NEDD4L: variants seen among roughly 807,000 people sequenced by gnomAD.
NEDD4L encodes E3 ubiquitin-protein ligase NEDD4-like.
A neutral mutation model predicts 148.9 loss-of-function variants in NEDD4L; 54 were observed. The observed-to-expected ratio is 0.36, with a 90% CI of 0.29 to 0.45. The LOEUF (loss-of-function observed/expected upper bound fraction) is 0.45. Among genes scored for constraint, NEDD4L ranks in the 20% least tolerant of loss-of-function variants. The probability of loss-of-function intolerance (pLI) is 1.00; values close to 1 mark genes in which losing one functional copy is unlikely to be tolerated. For synonymous variants in NEDD4L, 433 were observed against 440.7 expected (o/e 0.98, Z 0.22); for missense variants, 856 against 1,233.8 (o/e 0.69, Z 4.59).
intron 2 of NEDD4L, among the ~76,000 whole-genome samples, chr18:58,180,850 A>G (rs1483002351): frequency 6.6e-6 from 1 of 152,236 alleles, no homozygotes; most frequent in East Asian, 1.9e-4. Context: ...ATTAGAAGGC[A>G]GGTGTACAGC....
intron 2 of NEDD4L, chr18:58,189,834 C>T (rs1279607444): frequency 6.6e-6 from 1 of 152,228 alleles, no homozygotes; most frequent in Admixed American, 6.5e-5. Context: ...TACTTCATCC[C>T]TTCCTCTTTC....
intron 2 of NEDD4L, among the ~76,000 whole-genome samples, chr18:58,225,445 G>C (rs552087473): frequency 4.0e-4 from 61 of 152,316 alleles, no homozygotes; most frequent in African/African-American, 1.5e-3. Context: ...CTGATGCTGG[G>C]TTTTATCCGC....
intron 1 of NEDD4L, among the ~76,000 whole-genome samples, chr18:58,068,665 T>C (rs2082727305): frequency 6.6e-6 from 1 of 152,186 alleles, no homozygotes; most frequent in South Asian, 2.1e-4. Context: ...TGTGAGCATT[T>C]CTCTACTGTC....
intron 2 of NEDD4L, among the ~76,000 whole-genome samples, chr18:58,197,554 T>C (rs1245048380): frequency 6.6e-6 from 1 of 152,168 alleles, no homozygotes; most frequent in East Asian, 1.9e-4. Context: ...AACTCTCACC[T>C]CTTGCCAAGG....
intron 1 of NEDD4L, among the ~76,000 whole-genome samples, chr18:58,143,926 C>T (rs2033827550): frequency 1.3e-5 from 2 of 152,010 alleles, no homozygotes. Flanking sequence ...ATGAGGTATC[C>T]AGAATATTCC....
At chr18:58,125,402 C>T (rs2030876156) in intron 1 of NEDD4L, among the ~76,000 whole-genome samples, 1 of 150,264 alleles carries the variant, frequency 6.7e-6, no homozygotes, top group Admixed American at 6.6e-5. Context: ...TGAATCTGAC[C>T]AGTTGAGGCA....
At chr18:58,327,072 T>C (rs2059374415) in intron 9 of NEDD4L, among the ~76,000 whole-genome samples, 1 of 152,200 alleles carries the variant, frequency 6.6e-6, no homozygotes, top group Non-Finnish European at 1.5e-5. Flanking sequence ...TTGCTGGCTC[T>C]TCACTAGTCT....
chr18:58,120,497 C>T (rs142311305), intron 1 of NEDD4L, among the ~76,000 whole-genome samples: 51 of 152,310 alleles, frequency 3.3e-4, no homozygotes, highest in Admixed American at 1.1e-3. Context: ...AAAAATGCCA[C>T]GGCCGGGCGT....
intron 19 of NEDD4L, among the ~76,000 whole-genome samples, chr18:58,362,681 A>T (rs1304132996): frequency 1.3e-5 from 2 of 152,170 alleles, no homozygotes; most frequent in African/African-American, 4.8e-5. Flanking sequence ...TGGTTTATGT[A>T]CTGTTATTTT....
chr18:58,269,676 G>T (rs1782040202), intron 5 of NEDD4L, among the ~76,000 whole-genome samples: 1 of 152,018 alleles, frequency 6.6e-6, no homozygotes. Flanking sequence ...TTTCAGTCAG[G>T]GTTGAGAAAA....
chr18:58,324,450 G>A (rs1272291928), intron 8 of NEDD4L, among the ~76,000 whole-genome samples: 1 of 152,200 alleles, frequency 6.6e-6, no homozygotes, highest in Admixed American at 6.5e-5. Flanking sequence ...ATGCAAAGAG[G>A]AGGCTTCTCT....
chr18:58,385,667 T>C, intron 26 of NEDD4L, 81 bp downstream of exon 26: 2 of 1,161,374 alleles, frequency 1.7e-6, no homozygotes, highest in Non-Finnish European at 2.6e-6. Flanking sequence ...CTTTAGCTAG[T>C]GTGGTGGAGC....
chr18:58,286,106 G>A (rs1328619263), intron 5 of NEDD4L, among the ~76,000 whole-genome samples: 1 of 152,014 alleles, frequency 6.6e-6, no homozygotes, highest in African/African-American at 2.4e-5. Context: ...ACTCACCATG[G>A]GTATATTTAA....
At chr18:58,285,634 A>G (rs1055015453) in intron 5 of NEDD4L, among the ~76,000 whole-genome samples, 1 of 152,212 alleles carries the variant, frequency 6.6e-6, no homozygotes, top group African/African-American at 2.4e-5. Context: ...AGGAATAATC[A>G]AGGCAGCTTG....
At chr18:58,258,307 G>A (rs919165337) in intron 5 of NEDD4L, among the ~76,000 whole-genome samples, 7 of 152,074 alleles carry the variant, frequency 4.6e-5, no homozygotes, top group Non-Finnish European at 1.0e-4. Flanking sequence ...GGCTTTGTTC[G>A]GCAACACAAT....
At chr18:58,369,449 AGGGC>A (rs2046539904) in intron 22 of NEDD4L, among the ~76,000 whole-genome samples, 2 of 119,328 alleles carry the variant, frequency 1.7e-5, no homozygotes, top group Non-Finnish European at 3.8e-5. Flanking sequence ...CCCTGTCGGC[AGGGC>A]TCATTCTGCA....
In NEDD4L at chr18:58,366,891, G is replaced by A. The variant is rs560768163; in HGVS notation, c.2063+663G>A. Among the ~76,000 whole-genome samples the A allele has an allele frequency of 3.0e-3, 461 of 152,324 alleles. No individual in the cohort carries two copies. The highest frequency in any genetic ancestry group is 6.8e-3 in the Middle Eastern group (2 of 292). ...TCATCACTCCAGCCCTGGGCTCTAA[G>A]GGGACGTGGGTTCCCCCACATCTCC... On this transcript the variant is annotated intron_variant, in intron 21 of 30. Coordinates refer to ENST00000400345, the MANE Select transcript of NEDD4L (RefSeq NM_001144967.3). This position sits in a 1 kb window ranked among gnomAD's most constrained non-coding sequence, Gnocchi z 4.2.
chr18:58,293,337 C>T (rs1364479924), intron 5 of NEDD4L, among the ~76,000 whole-genome samples: 1 of 152,128 alleles, frequency 6.6e-6, no homozygotes, highest in Non-Finnish European at 1.5e-5. Flanking sequence ...AAATCAATGC[C>T]AATGTAGGTA....
Position 58,349,524 on chromosome 18 carries a change from A to G in NEDD4L, c.1576-13A>G. On this transcript the variant is annotated splice_polypyrimidine_tract_variant and intron_variant, in intron 16 of 30. Coordinates refer to ENST00000400345, the MANE Select transcript of NEDD4L (RefSeq NM_001144967.3). ...CCACTTAGCATCTACTGTCTTTTAC[A>G]TTTTTCTTGCAGGAAGATCCACGTT... 6.2e-7 allele frequency: 1 copy of G among 1,610,982 alleles called. No homozygotes were observed. Among genetic ancestry groups the G allele is most frequent in the African/African-American group, 1.3e-5 (1 of 74,964 alleles).
Sources: gnomAD v4.1 joint callset for allele counts (sites outside exome capture counted in the v4.1 genomes callset) on GRCh38, gnomAD v4.1.1 for gene constraint, Gnocchi (gnomAD v3.1) non-coding constraint, MANE v1.5 for transcripts, NCBI Gene and HGNC (gene_info 2026-07-23, HGNC 2026-07-21) for gene names.